The following NELL1 variants were observed in gnomAD, a reference collection of about 807,000 sequenced individuals.
NELL1 encodes neural EGFL like 1.
In NELL1, 76 loss-of-function variants were observed where a neutral mutation model predicts 107.4. The observed-to-expected ratio is 0.71, with a 90% CI of 0.59 to 0.86. The LOEUF (loss-of-function observed/expected upper bound fraction) is 0.86. Ranked by LOEUF, NELL1 falls within the 40% of genes least tolerant of loss-of-function variation. The pLI is 0.00. For synonymous variants in NELL1, 353 were observed against 341.2 expected, an observed-to-expected ratio of 1.03 and a Z score of -0.38; for missense variants, 1,024 against 1,005.5, an observed-to-expected ratio of 1.02 and a Z score of -0.25.
chr11:21,139,876 A>G (rs1272676369), intron 13 of NELL1, among the ~76,000 whole-genome samples: 1 of 152,138 alleles, frequency 6.6e-6, no homozygotes, highest in Non-Finnish European at 1.5e-5. Context: ...CAACACAAGG[A>G]TGTCATCAAG....
chr11:21,199,643 A>G (rs1302097025), intron 13 of NELL1, among the ~76,000 whole-genome samples: 2 of 151,888 alleles, frequency 1.3e-5, no homozygotes, highest in African/African-American at 4.8e-5. Context: ...CTTGAAAACC[A>G]TATTTTTCTT....
chr11:21,289,755 A>G (rs991304641), intron 14 of NELL1, among the ~76,000 whole-genome samples: 1 of 152,194 alleles, frequency 6.6e-6, no homozygotes, highest in African/African-American at 2.4e-5. Flanking sequence ...GCTAAGATCC[A>G]CTGCCAGCAC....
At chr11:20,985,339 A>G (rs1057022105) in intron 12 of NELL1, among the ~76,000 whole-genome samples, 1 of 152,194 alleles carries the variant, frequency 6.6e-6, no homozygotes, top group African/African-American at 2.4e-5. Flanking sequence ...CCTAACCCAC[A>G]GTTAGTACTC....
chr11:20,723,140 C>A (rs914442279), intron 2 of NELL1, among the ~76,000 whole-genome samples: 1 of 152,122 alleles, frequency 6.6e-6, no homozygotes, highest in Admixed American at 6.5e-5. Context: ...CAGAACCAAA[C>A]CATATCATTC....
chr11:20,927,538 C>T, intron 8 of NELL1, 96 bp downstream of exon 8: 8 of 1,221,176 alleles, frequency 6.6e-6, no homozygotes, highest in Non-Finnish European at 9.0e-6. Context: ...ATAATATTAA[C>T]TCTGAGAATT....
At chr11:21,291,217 T>C (rs1368564484) in intron 14 of NELL1, among the ~76,000 whole-genome samples, 1 of 152,116 alleles carries the variant, frequency 6.6e-6, no homozygotes, top group Non-Finnish European at 1.5e-5. Context: ...AATAGCCGAA[T>C]TGATCAAGTG....
chr11:20,986,800 C>T (rs1409417779), intron 12 of NELL1, among the ~76,000 whole-genome samples: 2 of 151,936 alleles, frequency 1.3e-5, no homozygotes, highest in Non-Finnish European at 2.9e-5. Flanking sequence ...ATGCTTTCAA[C>T]TACAATGATG....
chr11:21,411,062 A>C (rs1413781480), intron 15 of NELL1, among the ~76,000 whole-genome samples: 1 of 152,068 alleles, frequency 6.6e-6, no homozygotes, highest in East Asian at 1.9e-4. Flanking sequence ...AATACTGGTA[A>C]CCACACAATT....
chr11:20,815,513 T>C (rs147986408), intron 3 of NELL1, among the ~76,000 whole-genome samples: 1 of 152,306 alleles, frequency 6.6e-6, no homozygotes, highest in East Asian at 1.9e-4. Context: ...GGGGTTGTTT[T>C]TGGCTTGTTG....
At chr11:21,365,372 A>G (rs540624119) in intron 14 of NELL1, among the ~76,000 whole-genome samples, 3 of 152,262 alleles carry the variant, frequency 2.0e-5, no homozygotes, top group African/African-American at 7.2e-5. Context: ...CAGTGGTGCA[A>G]ACTTCGATAA....
intron 15 of NELL1, among the ~76,000 whole-genome samples, chr11:21,460,865 C>A (rs142284906): frequency 1.3e-5 from 2 of 152,026 alleles, no homozygotes; most frequent in Admixed American, 1.3e-4. Flanking sequence ...AATAGGTGAA[C>A]GAGATAAATC....
At chr11:20,790,077 A>G (rs971347153) in intron 3 of NELL1, among the ~76,000 whole-genome samples, 2 of 152,208 alleles carry the variant, frequency 1.3e-5, no homozygotes, top group African/African-American at 4.8e-5. Flanking sequence ...ATAGGCCTCG[A>G]AAAGGCACTA....
intron 15 of NELL1, among the ~76,000 whole-genome samples, chr11:21,438,030 C>T (rs1195975607): frequency 2.6e-5 from 4 of 152,158 alleles, no homozygotes; most frequent in East Asian, 3.9e-4. Context: ...TTATAAAGTT[C>T]GATTCCTTTC....
chr11:21,193,072 A>G (rs894628416), intron 13 of NELL1, among the ~76,000 whole-genome samples: 1 of 151,710 alleles, frequency 6.6e-6, no homozygotes, highest in Middle Eastern at 3.2e-3. Context: ...ACTTTTTGTT[A>G]TTTCTCCTAT....
chr11:20,676,645 T>C (rs1017353707), intron 1 of NELL1, among the ~76,000 whole-genome samples: 2 of 152,180 alleles, frequency 1.3e-5, no homozygotes, highest in African/African-American at 2.4e-5. Flanking sequence ...GCAGGTCCTG[T>C]TTCCTAACAG....
chr11:21,373,234 G>A (rs140821958), intron 15 of NELL1, among the ~76,000 whole-genome samples: 3 of 152,040 alleles, frequency 2.0e-5, no homozygotes, highest in African/African-American at 7.2e-5. Context: ...TGTGTGCAAG[G>A]GATCTAAATA....
rs756635700 is a variant in NELL1 at position 21,113,759 on chromosome 11, C to A, written c.1426+45C>A. The A allele has an allele frequency of 1.9e-6, 3 of 1,596,494 alleles. No individual in the cohort carries two copies. In the African/African-American group the frequency reaches 4.0e-5, roughly 21 times the overall value. On this transcript the variant is annotated intron_variant, in intron 13 of 19. Coordinates refer to ENST00000357134, the MANE Select transcript of NELL1 (RefSeq NM_006157.5). ...GTTGTTTTTTTAATTCATCCATTCTCTGCACCATGTCTGTGTTATTATGTT... is the reference window on the plus strand; with the variant it reads ...GTTGTTTTTTTAATTCATCCATTCTATGCACCATGTCTGTGTTATTATGTT...
chr11:20,672,463 A>G (rs1391964115), intron 1 of NELL1, among the ~76,000 whole-genome samples: 4 of 152,224 alleles, frequency 2.6e-5, no homozygotes, highest in Non-Finnish European at 1.5e-5. Flanking sequence ...GTTGCATATG[A>G]AAAGATCTAA....
At chr11:21,330,162 T>A (rs970853676) in intron 14 of NELL1, among the ~76,000 whole-genome samples, 1 of 152,140 alleles carries the variant, frequency 6.6e-6, no homozygotes, top group Non-Finnish European at 1.5e-5. Flanking sequence ...TATTTACATA[T>A]GTTGTTAAGT....
Sources: gnomAD v4.1 joint callset for allele counts (sites outside exome capture counted in the v4.1 genomes callset) on GRCh38, gnomAD v4.1.1 for gene constraint, MANE v1.5 for transcripts, NCBI Gene and HGNC (gene_info 2026-07-23, HGNC 2026-07-21) for gene names.